Variants in PRKCA observed in about 807,000 individuals in gnomAD.
The protein encoded by PRKCA is protein kinase C alpha type.
In PRKCA, 27 loss-of-function variants were observed where a neutral mutation model predicts 87.0. That is an observed-to-expected ratio of 0.31 (90% confidence interval 0.23 to 0.43). The LOEUF (loss-of-function observed/expected upper bound fraction) is 0.43. Ranked by LOEUF, PRKCA falls within the 20% of genes least tolerant of loss-of-function variation. The probability of loss-of-function intolerance (pLI) is 1.00; values close to 1 mark genes in which losing one functional copy is unlikely to be tolerated. For synonymous variants in PRKCA, 329 were observed against 311.1 expected, an observed-to-expected ratio of 1.06 and a Z score of -0.61; for missense variants, 518 against 852.3, an observed-to-expected ratio of 0.61 and a Z score of 4.88.
chr17:66,579,764 G>C (rs1404807231), intron 3 of PRKCA, among the ~76,000 whole-genome samples: 3 of 152,164 alleles, frequency 2.0e-5, no homozygotes, highest in Admixed American at 2.0e-4. Context: ...GGTTTAGGAA[G>C]TGAGTGATGA....
rs1358417259 is a variant in PRKCA at position 66,801,882 on chromosome 17, G to C, written c.1855-1991G>C. 2.6e-5 allele frequency among the ~76,000 whole-genome samples: 4 copies of C among 152,212 alleles called. No homozygotes were observed. In the East Asian group the frequency reaches 5.8e-4, roughly 22 times the overall value. Reference sequence around the variant, plus strand: ...ACATACTCACCATTCATTGTGGTGTGAAATCTCCTTGGGTGAAGAGTAGAT... The same window carrying C: ...ACATACTCACCATTCATTGTGGTGTCAAATCTCCTTGGGTGAAGAGTAGAT... On this transcript the variant is annotated intron_variant, in intron 16 of 16. Coordinates refer to ENST00000413366, the MANE Select transcript of PRKCA (RefSeq NM_002737.3).
At chr17:66,332,348 C>T (rs1906381923) in intron 2 of PRKCA, among the ~76,000 whole-genome samples, 1 of 151,714 alleles carries the variant, frequency 6.6e-6, no homozygotes, top group Admixed American at 6.6e-5. Flanking sequence ...CTGCCTCAGC[C>T]TCCCAAGTAG....
At position 66,649,613 on chromosome 17, in the gene PRKCA, A is replaced by G. The variant is rs952578882; in HGVS notation, c.529+4102A>G. 5.9e-5 allele frequency among the ~76,000 whole-genome samples: 9 copies of G among 152,232 alleles called. No homozygotes were observed. The South Asian group carries it at 8.3e-4, about 14-fold the overall frequency. ...CACTCTTGCTTTCAGTGCATAGGCT[A>G]TGAATGTTCCAAGTCTCTCTTATTA... On this transcript the variant is annotated intron_variant, in intron 5 of 16. Coordinates refer to ENST00000413366, the MANE Select transcript of PRKCA (RefSeq NM_002737.3).
intron 2 of PRKCA, among the ~76,000 whole-genome samples, chr17:66,367,848 A>G (rs1908824599): frequency 6.6e-6 from 1 of 152,218 alleles, no homozygotes; most frequent in African/African-American, 2.4e-5. Context: ...CCTAAAGTGA[A>G]CAGGTGAAAG....
chr17:66,483,105 T>G (rs1014278450), intron 2 of PRKCA, among the ~76,000 whole-genome samples: 4 of 152,218 alleles, frequency 2.6e-5, no homozygotes, highest in Non-Finnish European at 4.4e-5. Flanking sequence ...CACTTGCTCT[T>G]GTTCATAGTA....
chr17:66,494,848 A>G (rs1049719500), intron 2 of PRKCA, among the ~76,000 whole-genome samples: 28 of 152,176 alleles, frequency 1.8e-4, no homozygotes, highest in African/African-American at 6.5e-4. Flanking sequence ...AACGCCTACA[A>G]TCCCAGCACT....
chr17:66,331,624 A>T (rs1440345827), intron 2 of PRKCA, among the ~76,000 whole-genome samples: 1 of 152,054 alleles, frequency 6.6e-6, no homozygotes, highest in African/African-American at 2.4e-5. Flanking sequence ...GGACTGGAGG[A>T]TCTCTCATGG....
At chr17:66,417,804 T>C (rs16959229) in intron 2 of PRKCA, among the ~76,000 whole-genome samples, 17,307 of 152,140 alleles carry the variant, frequency 0.11, 1,250 homozygotes, top group East Asian at 0.22. Flanking sequence ...TTAAATATCG[T>C]TCTCTTCATG....
chr17:66,428,506 C>CTT (rs879722559), intron 2 of PRKCA, among the ~76,000 whole-genome samples: 1 of 140,204 alleles, frequency 7.1e-6, no homozygotes, highest in East Asian at 2.1e-4. Context: ...ATTTTTCTTT[C>CTT]TTTTTTTTTT....
intron 3 of PRKCA, among the ~76,000 whole-genome samples, chr17:66,636,425 A>G (rs1335108437): frequency 6.6e-6 from 1 of 152,224 alleles, no homozygotes; most frequent in Non-Finnish European, 1.5e-5. Context: ...CACTCAGGGC[A>G]TTTGCCAAGA....
intron 2 of PRKCA, among the ~76,000 whole-genome samples, chr17:66,389,292 G>T (rs1406090199): frequency 6.6e-6 from 1 of 152,168 alleles, no homozygotes; most frequent in Non-Finnish European, 1.5e-5. Context: ...GAAGAGAGGA[G>T]CACGACTCAC....
chr17:66,525,675 G>A (rs1967322658), intron 3 of PRKCA, among the ~76,000 whole-genome samples: 1 of 152,152 alleles, frequency 6.6e-6, no homozygotes, highest in Admixed American at 6.5e-5. Flanking sequence ...GGACAAGTGT[G>A]GTTTCATTCT....
At chr17:66,698,004 C>A (rs919512796) in intron 8 of PRKCA, among the ~76,000 whole-genome samples, 1 of 152,092 alleles carries the variant, frequency 6.6e-6, no homozygotes, top group African/African-American at 2.4e-5. Context: ...CAAGAATTAG[C>A]CCTCAAGAGG....
chr17:66,773,227 A>G (rs1270145520), intron 13 of PRKCA, among the ~76,000 whole-genome samples: 1 of 152,168 alleles, frequency 6.6e-6, no homozygotes, highest in Non-Finnish European at 1.5e-5. Flanking sequence ...ATTGTATCTT[A>G]ATTTTCCCAG....
rs1974002374 is a variant in PRKCA, at chr17:66,735,472, T to G, written c.1057-17T>G. On this transcript the variant is annotated splice_polypyrimidine_tract_variant and intron_variant, in intron 9 of 16. Transcript: ENST00000413366. ...ATGTGCTTACAAGTGTTCAGGTTGT[T>G]CTTGACGTGTTCTCAGGTGATGCTT... The G allele has an allele frequency of 6.2e-7, 1 of 1,614,020 alleles. No homozygotes were observed. The highest frequency in any genetic ancestry group is 1.3e-5 in the African/African-American group (1 of 74,892).
intron 2 of PRKCA, among the ~76,000 whole-genome samples, chr17:66,428,527 A>G (rs1470452339): frequency 6.7e-6 from 1 of 149,174 alleles, no homozygotes; most frequent in African/African-American, 2.5e-5. Flanking sequence ...TTTTTGAGAT[A>G]GAATCTCGCT....
intron 3 of PRKCA, among the ~76,000 whole-genome samples, chr17:66,531,892 A>G (rs1246587999): frequency 6.6e-6 from 1 of 152,124 alleles, no homozygotes; most frequent in African/African-American, 2.4e-5. Flanking sequence ...CAGACCTCAT[A>G]GTCTGGAGCC....
At chr17:66,651,565 G>T (rs1481427687) in intron 5 of PRKCA, among the ~76,000 whole-genome samples, 3 of 152,184 alleles carry the variant, frequency 2.0e-5, no homozygotes, top group Non-Finnish European at 4.4e-5. Flanking sequence ...CTTGTTGGAG[G>T]CTGCCAGCAA....
Position 66,506,235 on chromosome 17 carries a change from G to A in PRKCA, c.288+9952G>A, listed in dbSNP as rs574914526. On this transcript the variant is annotated intron_variant, in intron 3 of 16. Transcript: ENST00000413366. Reference sequence around the variant, plus strand: ...TGCTCAAACCCTGGAGGCGGAGGTTGCAGTGAGCCGACATCGTGCCACTGC... The same window carrying A: ...TGCTCAAACCCTGGAGGCGGAGGTTACAGTGAGCCGACATCGTGCCACTGC... 1.0e-3 allele frequency among the ~76,000 whole-genome samples: 153 copies of A among 152,066 alleles called. 2 individuals carry two copies. Among genetic ancestry groups the A allele is most frequent in the African/African-American group, 3.4e-3 (141 of 41,484 alleles).
Sources: allele counts gnomAD v4.1 joint callset (sites outside exome capture counted in the v4.1 genomes callset), GRCh38; gene constraint gnomAD v4.1.1; transcripts MANE v1.5; gene names NCBI Gene and HGNC (gene_info 2026-07-23, HGNC 2026-07-21).